The following PCNX1 variants were observed in gnomAD, a reference collection of about 807,000 sequenced individuals.
PCNX1 encodes pecanex-like protein 1.
A neutral mutation model predicts 242.2 loss-of-function variants in PCNX1; 78 were observed. The observed-to-expected ratio is 0.32, with a 90% CI of 0.27 to 0.39. PCNX1 has a LOEUF of 0.39. PCNX1 is among the 10% of genes least tolerant of loss of function. The pLI, the probability that PCNX1 is intolerant of heterozygous loss-of-function variation, is 1.00. For synonymous variants in PCNX1, 1,024 were observed against 1,032.9 expected (o/e 0.99, Z 0.17); for missense variants, 2,581 against 2,856.5 (o/e 0.90, Z 2.20).
chr14:70,913,121 G>GT (rs1445015001), intron 1 of PCNX1, among the ~76,000 whole-genome samples: 2 of 151,984 alleles, frequency 1.3e-5, no homozygotes, highest in Non-Finnish European at 2.9e-5. Context: ...TCCATACCTT[G>GT]TAAGTTCCAT....
intron 7 of PCNX1, among the ~76,000 whole-genome samples, chr14:70,994,506 A>G (rs1264645192): frequency 6.7e-6 from 1 of 149,254 alleles, no homozygotes; most frequent in African/African-American, 2.5e-5. Context: ...TATGTGTACT[A>G]GAGAAACAAT....
chr14:70,944,295 C>T (rs748883181), intron 1 of PCNX1, among the ~76,000 whole-genome samples: 19 of 152,216 alleles, frequency 1.2e-4, no homozygotes, highest in Non-Finnish European at 2.4e-4. Context: ...TGTCCAAGGC[C>T]ATGGGAGCCC....
rs536488131 is a variant in PCNX1, at chr14:71,038,787, G to A, written c.3867+2630G>A. Among the ~76,000 whole-genome samples the A allele has an allele frequency of 5.1e-4, 78 of 151,926 alleles. 1 individual carries two copies. The East Asian group carries it at 0.013, about 26-fold the overall frequency. On this transcript the variant is annotated intron_variant, in intron 19 of 35. Coordinates refer to ENST00000304743, the MANE Select transcript of PCNX1 (RefSeq NM_014982.3). ...CACATGCACACGTATGTTTATTGTG[G>A]CATTATTCACAATAGCAAAGACTTG... is the stretch of plus-strand genomic sequence containing the variant.
At chr14:71,032,897 T>G (rs1466945508) in intron 16 of PCNX1, among the ~76,000 whole-genome samples, 1 of 152,230 alleles carries the variant, frequency 6.6e-6, no homozygotes, top group African/African-American at 2.4e-5. Flanking sequence ...AGTCATTCAT[T>G]CAAAAAACAG....
intron 6 of PCNX1, among the ~76,000 whole-genome samples, chr14:70,987,314 C>T (rs755863893): frequency 2.6e-5 from 4 of 152,160 alleles, no homozygotes; most frequent in Non-Finnish European, 5.9e-5. Context: ...CATGTAGCAA[C>T]GGAGCACTTG....
At chr14:70,982,490 CTT>C (rs1309562857) in intron 6 of PCNX1, among the ~76,000 whole-genome samples, 7 of 152,122 alleles carry the variant, frequency 4.6e-5, no homozygotes, top group Non-Finnish European at 2.9e-5. Flanking sequence ...AATAGCATAA[CTT>C]AATACTGTAT....
At chr14:71,020,374 G>T (rs1314577416) in intron 12 of PCNX1, among the ~76,000 whole-genome samples, 1 of 152,176 alleles carries the variant, frequency 6.6e-6, no homozygotes, top group African/African-American at 2.4e-5. Context: ...TTTCATAATG[G>T]TTGAACTAGT....
At chr14:70,934,151 C>T (rs1463883827) in intron 1 of PCNX1, among the ~76,000 whole-genome samples, 1 of 152,162 alleles carries the variant, frequency 6.6e-6, no homozygotes, top group Non-Finnish European at 1.5e-5. Context: ...TCTGGTATGA[C>T]CATTTCTGTG....
chr14:70,913,209 T>G (rs891918968), intron 1 of PCNX1, among the ~76,000 whole-genome samples: 2 of 152,208 alleles, frequency 1.3e-5, no homozygotes, highest in African/African-American at 4.8e-5. Flanking sequence ...TATTAGGATC[T>G]GAAGAAGTAT....
intron 32 of PCNX1, 69 bp from the exon 33 acceptor site, chr14:71,105,166 A>T (rs995017562): frequency 1.7e-6 from 2 of 1,200,714 alleles, no homozygotes; most frequent in Admixed American, 1.8e-5. Flanking sequence ...GAATAGCTGG[A>T]AAAAGAATAA....
intron 16 of PCNX1, among the ~76,000 whole-genome samples, chr14:71,030,905 A>G (rs887003726): frequency 3.9e-5 from 6 of 152,260 alleles, no homozygotes; most frequent in Admixed American, 6.5e-5. Flanking sequence ...TACTAATTCA[A>G]ATTCATTAAG....
In PCNX1 at chr14:70,978,637, C is replaced by T. The variant is rs760902077; in HGVS notation, c.2300C>T (p.Ala767Val). The T allele has an allele frequency of 1.2e-6, 2 of 1,610,262 alleles. No individual in the cohort carries two copies. Among genetic ancestry groups the T allele is most frequent in the Admixed American group, 1.7e-5 (1 of 59,512 alleles). The change falls in exon 6 of 36, where the codon GCA (alanine) becomes GTA (valine). Residue 767 changes from alanine (A) to valine (V), a missense_variant. This residue lies in a region of PCNX1 where 1,204 missense variants were observed against 1,216.7 expected (regional missense o/e 0.99). Coordinates refer to ENST00000304743, the MANE Select transcript of PCNX1 (RefSeq NM_014982.3). ...VAFPEGEEQD[A>V]VSGAAQASEE... ...TTTCCTGAAGGGGAAGAGCAAGATG[C>T]AGTCAGTGGAGGTAAGTAAACTGTA...
At chr14:70,965,417 A>G (rs2058346801) in intron 3 of PCNX1, 1 of 152,334 alleles carries the variant, frequency 6.6e-6, no homozygotes, top group Non-Finnish European at 1.5e-5. Flanking sequence ...TAATTCCAGC[A>G]CTTTGGGAGG....
At chr14:70,958,354 A>C (rs1234768850) in intron 2 of PCNX1, among the ~76,000 whole-genome samples, 3 of 152,238 alleles carry the variant, frequency 2.0e-5, no homozygotes, top group African/African-American at 7.2e-5. Flanking sequence ...AACACACTAG[A>C]GTTCAAACTG....
intron 27 of PCNX1, among the ~76,000 whole-genome samples, chr14:71,075,224 C>G (rs191913830): frequency 9.5e-4 from 144 of 152,126 alleles, no homozygotes; most frequent in Non-Finnish European, 1.3e-3. Context: ...ACTCTGGGCT[C>G]AAGCAGTTCT....
intron 1 of PCNX1, among the ~76,000 whole-genome samples, chr14:70,924,858 G>T (rs537532282): frequency 6.6e-6 from 1 of 152,156 alleles, no homozygotes; most frequent in East Asian, 1.9e-4. Context: ...CAAACTGCTT[G>T]TTGGGATTAC....
rs138654714 is a variant in PCNX1, at chr14:70,974,298, T to G, written c.605-2644T>G. Among the ~76,000 whole-genome samples the G allele has an allele frequency of 2.1e-3, 313 of 148,326 alleles. 2 individuals carry two copies. Among genetic ancestry groups the G allele is most frequent in the African/African-American group, 7.5e-3 (300 of 40,194 alleles). The stretch of plus-strand genomic sequence containing the variant: ...TCGCTCTGTTGCCCAGGATGGAGTG[T>G]GCAGTGGTGTATTTTTAGTAGAGAT... On this transcript the variant is annotated intron_variant, in intron 5 of 35. Transcript: ENST00000304743.
intron 23 of PCNX1, among the ~76,000 whole-genome samples, chr14:71,051,060 C>T (rs374787964): frequency 3.3e-5 from 5 of 150,144 alleles, no homozygotes; most frequent in East Asian, 4.0e-4. Context: ...CCCAGCTACC[C>T]GGGAGGCTGA....
At chr14:70,968,048 C>G in intron 3 of PCNX1, 150 bp from the exon 4 acceptor site, 1 of 657,142 alleles carries the variant, frequency 1.5e-6, no homozygotes, top group Admixed American at 2.6e-5. Context: ...TCCAATAGAG[C>G]TTGTCCAACA....
Sources: allele counts gnomAD v4.1 joint callset (sites outside exome capture counted in the v4.1 genomes callset), GRCh38; gene constraint gnomAD v4.1.1; regional missense constraint gnomAD v4.1.1; transcripts MANE v1.5; gene names NCBI Gene and HGNC (gene_info 2026-07-23, HGNC 2026-07-21).